Variants in AIFM3 observed in about 807,000 individuals in gnomAD.
AIFM3 encodes AIF family member 3, also known as apoptosis-inducing factor 3.
AIFM3 carries 71 observed loss-of-function variants against 82.7 expected under a neutral mutation model. That is an observed-to-expected ratio of 0.86 (90% CI 0.71 to 1.05). The LOEUF (loss-of-function observed/expected upper bound fraction) is 1.05, where lower values mean the gene tolerates loss of function less well. AIFM3 is among the 50% of genes least tolerant of loss of function. AIFM3 has a pLI of 0.00. For synonymous variants in AIFM3, 337 were observed against 329.1 expected, an observed-to-expected ratio of 1.02 and a Z score of -0.26; for missense variants, 748 against 816.7, an observed-to-expected ratio of 0.92 and a Z score of 1.03.
chr22:20,976,852 C>A lies in AIFM3; in HGVS notation c.1147-15C>A. On this transcript the variant is annotated splice_polypyrimidine_tract_variant and intron_variant, in intron 12 of 20. Transcript: ENST00000440238. ...GGCTCTCATCCACCGCCCACCTGCC[C>A]ACTTGCCCTGACAGATGTTTGAGAA... is the stretch of plus-strand genomic sequence containing the variant. 6.3e-7 allele frequency: 1 copy of A among 1,596,696 alleles called. No homozygotes were observed.
rs1184132469 is a variant in AIFM3, at chr22:20,979,713, C to A, written c.1652+11C>A. 1.9e-6 allele frequency: 3 copies of A among 1,613,992 alleles called. No homozygotes were observed. Among genetic ancestry groups the A allele is most frequent in the Non-Finnish European group, 2.5e-6 (3 of 1,179,988 alleles). On this transcript the variant is annotated intron_variant, in intron 18 of 20. Coordinates refer to ENST00000440238, the MANE Select transcript of AIFM3 (RefSeq NM_001386814.1). Reference sequence around the variant, plus strand: ...GGCTTTTTACACTAAGTGAGAGCACCGGGGTGCAGCTTGGCGCGAAGCAGC... The same window carrying A: ...GGCTTTTTACACTAAGTGAGAGCACAGGGGTGCAGCTTGGCGCGAAGCAGC...
chr22:20,976,204 G>A lies in AIFM3; in HGVS notation c.808-11G>A, dbSNP rs1923642672. ...TGCCCAAGCTCATGCTCTGCCTGGT[G>A]GGGATTGCAGGTGGTCACAGTGGAC... On this transcript the variant is annotated splice_polypyrimidine_tract_variant and intron_variant, in intron 9 of 20. Coordinates refer to ENST00000440238, the MANE Select transcript of AIFM3 (RefSeq NM_001386814.1). The A allele has an allele frequency of 6.2e-7, 1 of 1,611,704 alleles. No individual in the cohort carries two copies. Among genetic ancestry groups the A allele is most frequent in the African/African-American group, 1.3e-5 (1 of 75,054 alleles).
At chr22:20,968,586 T>C (rs1923067749) in intron 2 of AIFM3, among the ~76,000 whole-genome samples, 1 of 151,844 alleles carries the variant, frequency 6.6e-6, no homozygotes, top group Non-Finnish European at 1.5e-5. Flanking sequence ...GAAGTGGGAG[T>C]GTCCTGGGGT....
In AIFM3 at chr22:20,976,784, C is replaced by G. The variant is rs766947115; in HGVS notation, c.1146+18C>G. 3.5e-5 allele frequency: 56 copies of G among 1,608,752 alleles called. No homozygotes were observed. Among genetic ancestry groups the G allele is most frequent in the Non-Finnish European group, 4.7e-5 (55 of 1,177,314 alleles). ...TCATGAAGGTGAGCCCACCCCAGCA[C>G]CCAGTGCCTTGGAGCCCTGGGGCCC... On this transcript the variant is annotated intron_variant, in intron 12 of 20. Transcript: ENST00000440238.
chr22:20,974,830 G>A lies in AIFM3; in HGVS notation c.720+14G>A. ...AAGCTCAGCAAGGTACAGGGGGTGG[G>A]GCAAGTAGGGACCCTATCCCTCTGG... On this transcript the variant is annotated intron_variant, in intron 8 of 20. Transcript: ENST00000440238. 6.2e-7 allele frequency: 1 copy of A among 1,611,076 alleles called. No individual in the cohort carries two copies. Among genetic ancestry groups the A allele is most frequent in the Non-Finnish European group, 8.5e-7 (1 of 1,179,236 alleles).
upstream of AIFM3, chr22:20,966,925 C>T (rs912244837): frequency 2.6e-5 from 4 of 152,602 alleles, no homozygotes; most frequent in Non-Finnish European, 5.9e-5. Flanking sequence ...CTTGCTTTCC[C>T]CATATGCTGT....
At chr22:20,979,548 C>G in intron 17 of AIFM3, 79 bp from the exon 18 acceptor site, 1 of 1,554,374 alleles carries the variant, frequency 6.4e-7, no homozygotes, top group Non-Finnish European at 8.9e-7. Flanking sequence ...AGGGCCTGGG[C>G]GGGGTTAGGA....
At chr22:20,977,412 G>T (rs1923759702) in intron 14 of AIFM3, 2 of 602,668 alleles carry the variant, frequency 3.3e-6, no homozygotes, top group East Asian at 2.8e-5. Context: ...TAGGGGCCAA[G>T]ATGGGAGGTG....
rs558110490 is a variant in AIFM3 at position 20,977,504 on chromosome 22, A to T, written c.1283-196A>T. On this transcript the variant is annotated intron_variant, in intron 14 of 20. Coordinates refer to ENST00000440238, the MANE Select transcript of AIFM3 (RefSeq NM_001386814.1). Reference sequence around the variant, plus strand: ...CATGGAGCACTTCTTGGAGAAGGTGATATCTGAGGTCTTGCGGGAGGCACC... The same window carrying T: ...CATGGAGCACTTCTTGGAGAAGGTGTTATCTGAGGTCTTGCGGGAGGCACC... 4.0e-5 allele frequency: 26 copies of T among 642,982 alleles called. No individual in the cohort carries two copies. The Admixed American group carries it at 6.4e-4, about 16-fold the overall frequency. The allele number at this position is 642,982 out of a possible 1,614,324, so 39.8% of individuals were successfully genotyped here.
intron 2 of AIFM3, among the ~76,000 whole-genome samples, chr22:20,970,392 T>A (rs1371550975): frequency 1.3e-5 from 2 of 152,152 alleles, no homozygotes; most frequent in Non-Finnish European, 2.9e-5. Context: ...GCTCAAGTGA[T>A]CCTCCCACCT....
intron 16 of AIFM3, 77 bp from the exon 17 acceptor site, chr22:20,979,194 C>A: frequency 6.8e-7 from 1 of 1,464,612 alleles, no homozygotes. Flanking sequence ...TGTCAGGGGT[C>A]CCCAGGGCAT....
chr22:20,977,901 A>G lies in AIFM3; in HGVS notation c.1373A>G (p.Asn458Ser), dbSNP rs752218781. 7.4e-6 allele frequency: 12 copies of G among 1,614,118 alleles called. No homozygotes were observed. The South Asian group carries it at 1.1e-4, about 15-fold the overall frequency. The change falls in exon 16 of 21, where the codon AAT (asparagine) becomes AGT (serine). Residue 458 changes from asparagine to serine, a missense_variant. By Grantham distance (46) the Asn-to-Ser change is conservative. Around this residue, in one of 5 missense-constraint regions of AIFM3, gnomAD observed 393 missense variants for 481.1 expected, o/e 0.82. Transcript: ENST00000440238. ...CTCTCTCTACAGATGATGCAGACCA[A>G]TGTCCCAGGCGTGTTTGCAGCTGGC... is the stretch of plus-strand genomic sequence containing the variant. ...FIPVNKMMQT[N>S]VPGVFAAGDA...
chr22:20,981,016 G>A lies in AIFM3; in HGVS notation c.1803G>A (p.Thr601=), dbSNP rs765960385. The A allele has an allele frequency of 5.8e-5, 94 of 1,614,032 alleles. No individual in the cohort carries two copies. Among genetic ancestry groups the A allele is most frequent in the Admixed American group, 2.2e-4 (13 of 60,004 alleles). Residue 601 remains threonine, a synonymous_variant, in exon 21 of 21, where the codon ACG becomes ACA. Coordinates refer to ENST00000440238, the MANE Select transcript of AIFM3 (RefSeq NM_001386814.1). ...GGACTGGCGACATGTCCTGGCTTACGGGGAAAGGATCCTGAGCTCACATGC... is the reference window on the plus strand; with the variant it reads ...GGACTGGCGACATGTCCTGGCTTACAGGGAAAGGATCCTGAGCTCACATGC... ...HSKTGDMSWL[T]GKGS is the part of the protein sequence containing the mutation.
chr22:20,969,515 C>T (rs1057390979), intron 2 of AIFM3, among the ~76,000 whole-genome samples: 8 of 152,020 alleles, frequency 5.3e-5, no homozygotes, highest in African/African-American at 9.7e-5. Context: ...CTGCAAGCTC[C>T]GCCTCCCAGG....
rs7289392 is a variant in AIFM3 at position 20,975,341 on chromosome 22, C to T, written c.721-351C>T. On this transcript the variant is annotated intron_variant, in intron 8 of 20. Transcript: ENST00000440238. ...GTGCCTGTCTCACGGCTCACTGCAGCGTCGACCTCCACCTCCCGGGCTCAA... is the reference window on the plus strand; with the variant it reads ...GTGCCTGTCTCACGGCTCACTGCAGTGTCGACCTCCACCTCCCGGGCTCAA... Among the ~76,000 whole-genome samples, 938 of 152,048 alleles carry T rather than the reference C, an allele frequency of 6.2e-3. 10 individuals are homozygous for T. The highest frequency in any genetic ancestry group is 0.021 in the African/African-American group (886 of 41,432).
intron 14 of AIFM3, 129 bp from the exon 15 acceptor site, chr22:20,977,571 A>C: frequency 8.8e-7 from 1 of 1,135,868 alleles, no homozygotes; most frequent in Non-Finnish European, 1.3e-6. Context: ...GGGTGCATGA[A>C]GGCCTCAGGT....
intron 2 of AIFM3, among the ~76,000 whole-genome samples, chr22:20,970,972 A>G (rs907797014): frequency 6.6e-6 from 1 of 152,200 alleles, no homozygotes; most frequent in African/African-American, 2.4e-5. Context: ...GGGCAGCCAG[A>G]AGTCATGGAG....
chr22:20,979,165 CAGG>C (rs1923894480), intron 16 of AIFM3, 103 bp from the exon 17 acceptor site: 4 of 1,114,256 alleles, frequency 3.6e-6, no homozygotes, highest in South Asian at 1.3e-5. Context: ...CTGGGGAGAC[CAGG>C]AGGAGTAGCC....
chr22:20,966,004 G>A (rs1351138517), upstream of AIFM3, among the ~76,000 whole-genome samples: 2 of 152,148 alleles, frequency 1.3e-5, no homozygotes, highest in African/African-American at 4.8e-5. Context: ...CCCTGGCAAG[G>A]ACCTTTGCCT....
Sources: allele counts gnomAD v4.1 joint callset (sites outside exome capture counted in the v4.1 genomes callset), GRCh38; gene constraint gnomAD v4.1.1; regional missense constraint gnomAD v4.1.1; transcripts MANE v1.5; gene names NCBI Gene and HGNC (gene_info 2026-07-23, HGNC 2026-07-21).